IMMP1L: variants seen among roughly 807,000 people sequenced by gnomAD.
The protein encoded by IMMP1L is inner mitochondrial membrane peptidase subunit 1.
A neutral mutation model predicts 21.8 loss-of-function variants in IMMP1L; 24 were observed. That is an observed-to-expected ratio of 1.10 (90% CI 0.80 to 1.55). IMMP1L has a LOEUF of 1.55. Ranked by LOEUF, IMMP1L falls within the 40% of genes most tolerant of loss-of-function variation. The probability of loss-of-function intolerance (pLI) is 0.00; values close to 1 mark genes in which losing one functional copy is unlikely to be tolerated. For missense variants in IMMP1L, 195 were observed against 200.7 expected, an observed-to-expected ratio of 0.97 and a Z score of 0.17; for synonymous variants, 46 against 62.8, an observed-to-expected ratio of 0.73 and a Z score of 1.26.
intron 1 of IMMP1L, among the ~76,000 whole-genome samples, chr11:31,496,940 T>C (rs1366224455): frequency 6.8e-6 from 1 of 148,032 alleles, no homozygotes. Flanking sequence ...CAATGATATA[T>C]CATCTATTAC....
chr11:31,440,975 T>C (rs1262105432), intron 4 of IMMP1L, among the ~76,000 whole-genome samples: 1 of 152,190 alleles, frequency 6.6e-6, no homozygotes, highest in East Asian at 1.9e-4. Flanking sequence ...ATAGAATATC[T>C]TTCTTTTATA....
chr11:31,448,470 C>CT (rs1023760632), intron 4 of IMMP1L, among the ~76,000 whole-genome samples: 2 of 152,118 alleles, frequency 1.3e-5, no homozygotes, highest in African/African-American at 4.8e-5. Flanking sequence ...TTGCAAATGA[C>CT]TTTTAAGCAA....
At chr11:31,476,377 C>G (rs1041777406) in intron 1 of IMMP1L, among the ~76,000 whole-genome samples, 2 of 151,884 alleles carry the variant, frequency 1.3e-5, no homozygotes, top group African/African-American at 4.8e-5. Flanking sequence ...AAACCAAACC[C>G]GGGAACTCTG....
chr11:31,440,575 G>A (rs1953290002), intron 4 of IMMP1L, among the ~76,000 whole-genome samples: 1 of 152,072 alleles, frequency 6.6e-6, no homozygotes, highest in African/African-American at 2.4e-5. Context: ...ATTTTTAGTA[G>A]AGATGGGGTT....
chr11:31,435,442 G>T (rs1362973988), intron 4 of IMMP1L, among the ~76,000 whole-genome samples: 3 of 152,174 alleles, frequency 2.0e-5, no homozygotes, highest in African/African-American at 7.2e-5. Context: ...CCAACAGGCA[G>T]TAATGCCATG....
At chr11:31,438,551 G>A (rs188462596) in intron 4 of IMMP1L, among the ~76,000 whole-genome samples, 15 of 151,984 alleles carry the variant, frequency 9.9e-5, no homozygotes, top group Admixed American at 6.6e-4. Flanking sequence ...ATTGTGTTTC[G>A]TGCTTTTCGT....
chr11:31,432,644 T>G, intron 5 of IMMP1L, 76 bp from the exon 6 acceptor site: 1 of 992,588 alleles, frequency 1.0e-6, no homozygotes, highest in Non-Finnish European at 1.6e-6. Flanking sequence ...TTTTGCTATC[T>G]GTCCCTTTTC....
intron 1 of IMMP1L, chr11:31,477,482 T>C (rs1339314056): frequency 2.2e-6 from 2 of 903,622 alleles, no homozygotes; most frequent in Non-Finnish European, 2.6e-6. Flanking sequence ...ATAAAGAGCA[T>C]ATTCTTTGCC....
At chr11:31,448,037 G>A (rs930299941) in intron 4 of IMMP1L, among the ~76,000 whole-genome samples, 9 of 152,062 alleles carry the variant, frequency 5.9e-5, no homozygotes, top group Admixed American at 2.0e-4. Context: ...ACCTGGGCGC[G>A]GTGGCTCACA....
rs1591941188 is a variant in IMMP1L, at chr11:31,438,476, T to C, written c.322-4906A>G. 2.0e-5 allele frequency among the ~76,000 whole-genome samples: 3 copies of C among 152,244 alleles called. No homozygotes were observed. In the Middle Eastern group the frequency reaches 0.01, roughly 518 times the overall value. ...TATTTTCTCCCAGGCTGCATCTTTT[T>C]AAATGATGTTTTGACAAGCAGAAGT... On this transcript the variant is annotated intron_variant, in intron 4 of 5. Coordinates refer to ENST00000532287, the MANE Select transcript of IMMP1L (RefSeq NM_001304274.2).
chr11:31,493,968 C>T (rs946769406), intron 1 of IMMP1L, among the ~76,000 whole-genome samples: 2 of 152,226 alleles, frequency 1.3e-5, no homozygotes, highest in Non-Finnish European at 2.9e-5. Context: ...CCCCTCCTGG[C>T]TGCTTTCATG....
chr11:31,486,575 C>T (rs1200625136), intron 1 of IMMP1L, among the ~76,000 whole-genome samples: 1 of 151,878 alleles, frequency 6.6e-6, no homozygotes, highest in African/African-American at 2.4e-5. Flanking sequence ...AATATTGTTA[C>T]TGTCAGGATA....
chr11:31,472,901 TGTC>T (rs1176774826), intron 1 of IMMP1L, among the ~76,000 whole-genome samples: 3 of 152,228 alleles, frequency 2.0e-5, no homozygotes, highest in African/African-American at 7.2e-5. Flanking sequence ...AGTGTCGCTC[TGTC>T]GTCCAGGCTG....
chr11:31,464,765 A>C (rs1954272289), intron 1 of IMMP1L, among the ~76,000 whole-genome samples: 2 of 152,162 alleles, frequency 1.3e-5, no homozygotes, highest in Admixed American at 1.3e-4. Context: ...ACTCTCAAGA[A>C]ATTAGGCAAA....
chr11:31,504,522 G>GA (rs1354282612), intron 1 of IMMP1L, among the ~76,000 whole-genome samples: 1 of 152,132 alleles, frequency 6.6e-6, no homozygotes, highest in Non-Finnish European at 1.5e-5. Flanking sequence ...TAGCTGAAAT[G>GA]AAAGAAGAAA....
intron 4 of IMMP1L, among the ~76,000 whole-genome samples, chr11:31,435,106 A>G (rs995560155): frequency 6.6e-6 from 1 of 152,184 alleles, no homozygotes; most frequent in African/African-American, 2.4e-5. Flanking sequence ...AGTTCTAAAA[A>G]CAGGTAATAT....
rs558365463 is a variant in IMMP1L, at chr11:31,478,939, T to A, written c.-29-15634A>T. Among the ~76,000 whole-genome samples the A allele has an allele frequency of 5.9e-5, 9 of 152,178 alleles. No homozygotes were observed. In the East Asian group the frequency reaches 1.5e-3, roughly 26 times the overall value. On this transcript the variant is annotated intron_variant, in intron 1 of 5. Transcript: ENST00000532287. Reference sequence around the variant, plus strand: ...AGAAATCTCTCCTCACATTTAAATATGTACAGAACATTTTAAATGTATAGA... The same window carrying A: ...AGAAATCTCTCCTCACATTTAAATAAGTACAGAACATTTTAAATGTATAGA...
At chr11:31,449,903 G>A (rs991897750) in intron 4 of IMMP1L, among the ~76,000 whole-genome samples, 2 of 152,082 alleles carry the variant, frequency 1.3e-5, no homozygotes, top group Non-Finnish European at 2.9e-5. Flanking sequence ...TGTAACAATA[G>A]CAAAAGACTG....
rs528725576 is a variant in IMMP1L at position 31,491,642 on chromosome 11, G to C, written c.-30+17877C>G. On this transcript the variant is annotated intron_variant, in intron 1 of 5. Coordinates refer to ENST00000532287, the MANE Select transcript of IMMP1L (RefSeq NM_001304274.2). Reference sequence around the variant, plus strand: ...AATTGTTAAGCAAAGAAAAACCTATGATTTGGAGATTTCTTAACCTATCTA... The same window carrying C: ...AATTGTTAAGCAAAGAAAAACCTATCATTTGGAGATTTCTTAACCTATCTA... 2.0e-5 allele frequency among the ~76,000 whole-genome samples: 3 copies of C among 152,300 alleles called. No homozygotes were observed. In the East Asian group the frequency reaches 5.8e-4, roughly 29 times the overall value.
Sources: allele counts gnomAD v4.1 joint callset (sites outside exome capture counted in the v4.1 genomes callset), GRCh38; gene constraint gnomAD v4.1.1; transcripts MANE v1.5; gene names NCBI Gene and HGNC (gene_info 2026-07-23, HGNC 2026-07-21).